Variants in C1QTNF3 observed in about 807,000 individuals in gnomAD.
The protein encoded by C1QTNF3 is C1q and TNF related 3.
C1QTNF3 carries 26 observed loss-of-function variants against 32.6 expected under a neutral mutation model. The observed-to-expected ratio is 0.80, with a 90% CI of 0.58 to 1.11. The LOEUF is 1.11. Among genes scored for constraint, C1QTNF3 ranks in the 50% least tolerant of loss-of-function variants. The pLI is 0.00. For synonymous variants in C1QTNF3, 155 were observed against 146.0 expected, an observed-to-expected ratio of 1.06 and a Z score of -0.44; for missense variants, 362 against 398.2, an observed-to-expected ratio of 0.91 and a Z score of 0.77.
In C1QTNF3 at chr5:34,028,709, T is replaced by C. The variant is rs371671345; in HGVS notation, c.700+45A>G. The C allele has an allele frequency of 4.4e-5, 69 of 1,551,922 alleles. 1 individual carries two copies. In the East Asian group the frequency reaches 8.8e-4, roughly 20 times the overall value. On this transcript the variant is annotated intron_variant, in intron 4 of 5. Coordinates refer to ENST00000382065, the MANE Select transcript of C1QTNF3 (RefSeq NM_181435.6). ...TCCTTCCTTCCTTAATTGTCTTTATTATTACATTGATTAACTCAATCTTCA... is the reference window on the plus strand; with the variant it reads ...TCCTTCCTTCCTTAATTGTCTTTATCATTACATTGATTAACTCAATCTTCA...
chr5:34,140,330 A>G, the C1QTNF3 span, among the ~76,000 whole-genome samples: 16 of 152,314 alleles, frequency 1.1e-4, no homozygotes, highest in African/African-American at 3.4e-4. Context: ...TCTAAAGAAT[A>G]CTGTCCCATT....
the C1QTNF3 span, among the ~76,000 whole-genome samples, chr5:34,062,304 C>A: frequency 1.3e-5 from 2 of 152,130 alleles, no homozygotes; most frequent in African/African-American, 4.8e-5. Flanking sequence ...GTGTAGGTAA[C>A]CTTTTGAATC....
the C1QTNF3 span, among the ~76,000 whole-genome samples, chr5:34,159,351 ATTTAT>A: frequency 1.3e-5 from 2 of 152,094 alleles, no homozygotes; most frequent in African/African-American, 4.8e-5. Context: ...TCTCCTCATT[ATTTAT>A]TTTAATGTCT....
At chr5:34,158,917 C>T in the C1QTNF3 span, 1 of 151,856 alleles carries the variant, frequency 6.6e-6, no homozygotes, top group African/African-American at 2.4e-5. Flanking sequence ...AGAAATAAGA[C>T]TGAAGTGAGG....
At chr5:34,176,987 G>A in the C1QTNF3 span, among the ~76,000 whole-genome samples, 2 of 152,170 alleles carry the variant, frequency 1.3e-5, no homozygotes, top group Admixed American at 1.3e-4. Context: ...GAGCTCAAGA[G>A]TTCAAGATCA....
chr5:34,127,746 C>A, the C1QTNF3 span, among the ~76,000 whole-genome samples: 3 of 151,708 alleles, frequency 2.0e-5, no homozygotes, highest in Non-Finnish European at 1.5e-5. Context: ...CACCACCACG[C>A]CCTGACCTGG....
chr5:34,064,205 C>T, the C1QTNF3 span, among the ~76,000 whole-genome samples: 1 of 152,280 alleles, frequency 6.6e-6, no homozygotes, highest in African/African-American at 2.4e-5. Context: ...GTATTTTCCT[C>T]CAATTCTAAG....
At chr5:34,214,826 G>A in the C1QTNF3 span, among the ~76,000 whole-genome samples, 1 of 152,074 alleles carries the variant, frequency 6.6e-6, no homozygotes, top group Non-Finnish European at 1.5e-5. Flanking sequence ...TCACATTAGA[G>A]GCTAACAGGC....
At position 34,033,802 on chromosome 5, in the gene C1QTNF3, C is replaced by T. The variant is rs186624359; in HGVS notation, c.416-344G>A. ...TATTCTAGAAACTATGTTATATAGT[C>T]ATAAAAAAGAAGGCTGAAGAAAAAC... On this transcript the variant is annotated intron_variant, in intron 2 of 5. Transcript: ENST00000382065. Among the ~76,000 whole-genome samples the T allele has an allele frequency of 2.6e-4, 39 of 152,228 alleles. No homozygotes were observed. In the East Asian group the frequency reaches 6.9e-3, roughly 27 times the overall value.
At chr5:34,046,370 T>G (rs1754986109), upstream of C1QTNF3, among the ~76,000 whole-genome samples, 1 of 152,170 alleles carries the variant, frequency 6.6e-6, no homozygotes, top group Non-Finnish European at 1.5e-5. Flanking sequence ...GGTGATCAAC[T>G]TAAGATGAGG....
the C1QTNF3 span, among the ~76,000 whole-genome samples, chr5:34,236,563 CTTTTTTCTTTTTTTTTTTTT>C: frequency 4.4e-5 from 2 of 45,308 alleles, no homozygotes; most frequent in Non-Finnish European, 1.3e-4. Flanking sequence ...TTTCTTTTTT[CTTTTTTCTTTTTTTTTTTTT>C]TTTTTTTTTT....
chr5:34,224,339 G>A, the C1QTNF3 span, among the ~76,000 whole-genome samples: 6 of 152,232 alleles, frequency 3.9e-5, no homozygotes, highest in East Asian at 1.9e-4. Flanking sequence ...AGCCCGCATC[G>A]CCAAGTCAAT....
At position 34,019,306 on chromosome 5, in the gene C1QTNF3, C is replaced by G. The variant is rs1023678390; in HGVS notation, c.*1277G>C. The G allele has an allele frequency of 6.6e-6, 1 of 152,062 alleles. No individual in the cohort carries two copies. The highest frequency in any genetic ancestry group is 1.5e-5 in the Non-Finnish European group (1 of 68,030). The allele number at this position is 152,062 out of a possible 1,614,324, so 9.4% of individuals were successfully genotyped here. A position where few individuals can be genotyped will look rare whatever the true frequency, so the allele number is the denominator to read the frequency against. ...TGAAGGCATTGGAAATTATCTGCACCTTTTCCCATCTCTGTTGTGAATCAA... is the reference window on the plus strand; with the variant it reads ...TGAAGGCATTGGAAATTATCTGCACGTTTTCCCATCTCTGTTGTGAATCAA... On this transcript the variant is annotated 3_prime_UTR_variant, in exon 6 of 6. Transcript: ENST00000382065.
the C1QTNF3 span, among the ~76,000 whole-genome samples, chr5:34,137,122 T>G: frequency 2.0e-5 from 3 of 146,576 alleles, no homozygotes; most frequent in East Asian, 5.9e-4. Flanking sequence ...GTTGTGCACA[T>G]GTACCCTAGA....
the C1QTNF3 span, among the ~76,000 whole-genome samples, chr5:34,066,534 A>G: frequency 6.6e-6 from 1 of 152,162 alleles, no homozygotes; most frequent in East Asian, 1.9e-4. Flanking sequence ...GAATTTTGAA[A>G]TAAATTGGCA....
chr5:34,118,059 C>G, the C1QTNF3 span, among the ~76,000 whole-genome samples: 1 of 152,000 alleles, frequency 6.6e-6, no homozygotes, highest in Non-Finnish European at 1.5e-5. Context: ...ATTATCTTTA[C>G]CAGTATTCTG....
At chr5:34,051,444 C>G in the C1QTNF3 span, among the ~76,000 whole-genome samples, 1 of 152,172 alleles carries the variant, frequency 6.6e-6, no homozygotes, top group Admixed American at 6.5e-5. Flanking sequence ...TGTATACAGC[C>G]TGTTCTGCAA....
At chr5:34,032,288 T>C (rs1754631874) in intron 3 of C1QTNF3, among the ~76,000 whole-genome samples, 1 of 152,182 alleles carries the variant, frequency 6.6e-6, no homozygotes, top group Non-Finnish European at 1.5e-5. Context: ...GTGTTGGCAA[T>C]AAGAACTTTA....
chr5:34,042,714 A>G (rs780020256), intron 1 of C1QTNF3, 109 bp downstream of exon 1: 207 of 1,115,478 alleles, frequency 1.9e-4, no homozygotes, highest in Non-Finnish European at 2.4e-4. Flanking sequence ...ACTTCTCGAA[A>G]GCATTCATTG....
Sources: allele counts gnomAD v4.1 joint callset (sites outside exome capture counted in the v4.1 genomes callset), GRCh38; gene constraint gnomAD v4.1.1; transcripts MANE v1.5; gene names NCBI Gene and HGNC (gene_info 2026-07-23, HGNC 2026-07-21).